The following ADPRHL1 variants were observed in gnomAD, a reference collection of about 807,000 sequenced individuals.
ADPRHL1 encodes the protein ADP-ribosylhydrolase like 1, also known as inactive ADP-ribosyltransferase ARH2.
Under a neutral mutation model 44.1 loss-of-function variants are expected in ADPRHL1, and 43 were observed. The ratio of observed to expected loss-of-function variants is 0.98; its 90% CI spans 0.76 to 1.26. ADPRHL1 has a LOEUF of 1.26. Ranked by LOEUF, ADPRHL1 falls within the 50% of genes most tolerant of loss-of-function variation. The pLI is 0.00. For missense variants in ADPRHL1, 2,022 were observed against 2,496.9 expected (o/e 0.81, Z 4.05); for synonymous variants, 878 against 1,017.4 (o/e 0.86, Z 2.61).
chr13:113,405,395 G>A lies in ADPRHL1; in HGVS notation c.3887C>T (p.Ala1296Val). ...AAACCTGACGCCCTCCCTGCCCTTT[G>A]CCTGTGGGTTCTCAGGAGGCGACGG... ...LPPSPPENPQAKGREGVRFPR... is the reference protein window; with the variant it reads ...LPPSPPENPQVKGREGVRFPR... The change falls in exon 8 of 8, where the codon GCA becomes GTA. Residue 1296 changes from alanine (A) to valine (V), a missense_variant. By Grantham distance (64) the Ala-to-Val change is moderately conservative (BLOSUM62 0). This residue lies in a region of ADPRHL1 where 1,221 missense variants were observed against 1,517.8 expected (regional missense o/e 0.80). Coordinates refer to ENST00000612156, the MANE Select transcript of ADPRHL1 (RefSeq NM_001394807.1). 1 of 1,231,974 alleles carries A rather than the reference G, an allele frequency of 8.1e-7. No homozygotes were observed. The highest frequency in any genetic ancestry group is 3.2e-5 in the East Asian group (1 of 31,710). The allele number at this position is 1,231,974 out of a possible 1,614,324, so 76.3% of individuals were successfully genotyped here.
intron 7 of ADPRHL1, among the ~76,000 whole-genome samples, chr13:113,415,519 G>T (rs901676660): frequency 6.6e-6 from 1 of 152,138 alleles, no homozygotes; most frequent in African/African-American, 2.4e-5. Flanking sequence ...TTGGGAGGCC[G>T]AGGCAGGCGG....
chr13:113,419,023 T>TC (rs2043901245), intron 7 of ADPRHL1, among the ~76,000 whole-genome samples: 1 of 147,800 alleles, frequency 6.8e-6, no homozygotes, highest in Non-Finnish European at 1.5e-5. Context: ...TTCCTTCCTT[T>TC]CTTCCCCTTC....
At position 113,407,911 on chromosome 13, in the gene ADPRHL1, C is replaced by T; in HGVS notation, c.1371G>A (p.Lys457=). The T allele has an allele frequency of 3.2e-6, 4 of 1,231,960 alleles. No individual in the cohort carries two copies. Among genetic ancestry groups the T allele is most frequent in the Non-Finnish European group, 1.0e-6 (1 of 987,960 alleles). 76.3% of individuals were successfully genotyped at this position (1,231,960 alleles called of 1,614,324 possible). ...GGCCCCCACCCGGCCCCTGCTTGTC[C>T]TTGGAGATCAGCCGGCCCACCTCCC... is the stretch of plus-strand genomic sequence containing the variant. ...RTREVGRLIS[K]DKQGPGGGLV... is the part of the protein sequence containing the mutation. Residue 457 remains lysine (K), a synonymous_variant, in exon 8 of 8, where the codon AAG becomes AAA. Transcript: ENST00000612156.
rs534657963 is a variant in ADPRHL1 at position 113,413,100 on chromosome 13, C to T, written c.1062-4880G>A. 2.4e-5 allele frequency among the ~76,000 whole-genome samples: 3 copies of T among 127,560 alleles called. No homozygotes were observed. In the South Asian group the frequency reaches 7.4e-4, roughly 31 times the overall value. The allele number at this position is 127,560 out of a possible 152,430, so 83.7% of individuals were successfully genotyped here. A position where few individuals can be genotyped will look rare whatever the true frequency, so the allele number is the denominator to read the frequency against. Reference sequence around the variant, plus strand: ...CCACCGCCAACAGCGCCCCGCAGAGCTCGGTTCACCCACCGCCAACAGCTC... The same window carrying T: ...CCACCGCCAACAGCGCCCCGCAGAGTTCGGTTCACCCACCGCCAACAGCTC... On this transcript the variant is annotated intron_variant, in intron 7 of 7. Transcript: ENST00000612156.
intron 1 of ADPRHL1, 82 bp from the exon 2 acceptor site, chr13:113,444,671 G>A: frequency 2.0e-6 from 3 of 1,499,138 alleles, no homozygotes; most frequent in Non-Finnish European, 2.7e-6. Context: ...AGGCACCATA[G>A]TCTGGGGAAG....
intron 4 of ADPRHL1, among the ~76,000 whole-genome samples, chr13:113,428,132 T>C (rs1339038025): frequency 1.3e-5 from 2 of 151,944 alleles, no homozygotes; most frequent in Non-Finnish European, 2.9e-5. Flanking sequence ...TAATCCCAGC[T>C]GCTTCGGCGG....
At chr13:113,422,687 G>A (rs1032084382) in intron 7 of ADPRHL1, 139 bp downstream of exon 7, 2 of 1,040,610 alleles carry the variant, frequency 1.9e-6, no homozygotes, top group East Asian at 5.0e-5. Flanking sequence ...ATTGGAAACA[G>A]AGAGTTAGAT....
In ADPRHL1 at chr13:113,403,480, C is replaced by A; in HGVS notation, c.5802G>T (p.Leu1934=). The A allele has an allele frequency of 8.1e-7, 1 of 1,232,106 alleles. No homozygotes were observed. Among genetic ancestry groups the A allele is most frequent in the Non-Finnish European group, 1.0e-6 (1 of 988,034 alleles). 76.3% of individuals were successfully genotyped at this position (1,232,106 alleles called of 1,614,324 possible). A position where few individuals can be genotyped will look rare whatever the true frequency, so the allele number is the denominator to read the frequency against. The change falls in exon 8 of 8, where the codon CTG becomes CTT. Residue 1934 remains leucine (L), a synonymous_variant. Transcript: ENST00000612156. ...GGAAGCTCTGGGCTTTGTACTTGGC[C>A]AGGTGCCTGGACCTCCCGCGACGCT... ...EPERRGRSRH[L]AKYKAQSFRD... is the part of the protein sequence containing the mutation.
chr13:113,446,570 T>C (rs1305580804), intron 1 of ADPRHL1, among the ~76,000 whole-genome samples: 1 of 152,074 alleles, frequency 6.6e-6, no homozygotes, highest in Non-Finnish European at 1.5e-5. Context: ...CGGTGTTGTC[T>C]ACATGCACAG....
In ADPRHL1 at chr13:113,425,093, C is replaced by CT. The variant is rs530445616; in HGVS notation, c.732dup (p.Ala245SerfsTer8). 8.7e-6 allele frequency: 14 copies of CT among 1,613,522 alleles called. No homozygotes were observed. The highest frequency in any genetic ancestry group is 1.2e-5 in the Non-Finnish European group (14 of 1,179,944). The stretch of plus-strand genomic sequence containing the variant: ...GCATCATAATTGTCGGGGAAGATGG[C>CT]TTTATTTTCTGAGTCTTTACTGATT... On this transcript the variant is annotated frameshift_variant, in exon 5 of 8. Coordinates refer to ENST00000612156, the MANE Select transcript of ADPRHL1 (RefSeq NM_001394807.1). LOFTEE classifies it high-confidence loss of function.
At position 113,404,607 on chromosome 13, in the gene ADPRHL1, G is replaced by C; in HGVS notation, c.4675C>G (p.Gln1559Glu). 7.6e-7 allele frequency: 1 copy of C among 1,307,616 alleles called. No homozygotes were observed. Among genetic ancestry groups the C allele is most frequent in the Non-Finnish European group, 9.7e-7 (1 of 1,036,112 alleles). The allele number at this position is 1,307,616 out of a possible 1,614,324, so 81.0% of individuals were successfully genotyped here. ...QGHAQEQAQW[Q>E]TQIEAQGQAQ... is the part of the protein sequence containing the mutation. ...TGCCCCTGGGCCTCTATCTGGGTCT[G>C]CCACTGGGCCTGTTCTTGAGCGTGT... is the stretch of plus-strand genomic sequence containing the variant. Residue 1559 changes from glutamine (Q) to glutamate (E), a missense_variant, in exon 8 of 8, where the codon CAG becomes GAG. This residue lies in a region of ADPRHL1 where 32 missense variants were observed against 72.6 expected (regional missense o/e 0.44). Transcript: ENST00000612156.
At chr13:113,425,682 TTC>T (rs1491245536) in intron 4 of ADPRHL1, among the ~76,000 whole-genome samples, 1 of 119,484 alleles carries the variant, frequency 8.4e-6, no homozygotes, top group Admixed American at 9.2e-5. Context: ...TCTTTTTTCT[TTC>T]TTTTTTTTTT....
rs373215048 is a variant in ADPRHL1 at position 113,448,852 on chromosome 13, G to A, written c.215-4263C>T. ...CGTTTAATCCTCTGTGACCTTGTGA[G>A]GGAGGAAGGCCCTGGGAGGGAAGCC... On this transcript the variant is annotated intron_variant, in intron 1 of 7. Transcript: ENST00000612156. 201 of 722,356 alleles carry A rather than the reference G, an allele frequency of 2.8e-4. No individual in the cohort carries two copies. In the African/African-American group the frequency reaches 3.6e-3, roughly 13 times the overall value. 44.7% of individuals were successfully genotyped at this position (722,356 alleles called of 1,614,324 possible). A position where few individuals can be genotyped will look rare whatever the true frequency, so the allele number is the denominator to read the frequency against.
intron 7 of ADPRHL1, among the ~76,000 whole-genome samples, chr13:113,418,252 A>C (rs971538610): frequency 3.6e-4 from 55 of 152,304 alleles, no homozygotes; most frequent in African/African-American, 1.3e-3. Context: ...GGAGCATGGA[A>C]TAGACAGGGG....
At chr13:113,442,864 C>T in intron 2 of ADPRHL1, among the ~76,000 whole-genome samples, 1 of 152,188 alleles carries the variant, frequency 6.6e-6, no homozygotes, top group East Asian at 1.9e-4. Flanking sequence ...CGCTGGTCCT[C>T]CCTTCATCTT....
rs2043839820 is a variant in ADPRHL1, at chr13:113,409,906, AAAGG to A, written c.1062-1690_1062-1687del. 1 of 975,280 alleles carries A rather than the reference AAAGG, an allele frequency of 1.0e-6. No individual in the cohort carries two copies. Among genetic ancestry groups the A allele is most frequent in the Non-Finnish European group, 1.2e-6 (1 of 821,144 alleles). 60.4% of individuals were successfully genotyped at this position (975,280 alleles called of 1,614,324 possible). On this transcript the variant is annotated intron_variant, in intron 7 of 7. Coordinates refer to ENST00000612156, the MANE Select transcript of ADPRHL1 (RefSeq NM_001394807.1). The surrounding 1 kb of genome is among the most constrained non-coding windows in gnomAD (Gnocchi z 4.2). The stretch of plus-strand genomic sequence containing the variant: ...TCCGTCTCAAAAAAAAAAAAAAAAA[AAAGG>A]AAGAAGCTGAGCAGGCTGAAAAGAG...
chr13:113,423,490 T>C (rs539960516), intron 6 of ADPRHL1, among the ~76,000 whole-genome samples: 169 of 152,302 alleles, frequency 1.1e-3, no homozygotes, highest in African/African-American at 3.9e-3. Flanking sequence ...GTGCAGAGGC[T>C]TCCTGACCAA....
chr13:113,412,225 T>C (rs1302695646), intron 7 of ADPRHL1, among the ~76,000 whole-genome samples: 2 of 152,222 alleles, frequency 1.3e-5, no homozygotes, highest in Non-Finnish European at 2.9e-5. Flanking sequence ...TCGCCCAGGC[T>C]GGACTGCAGT....
In ADPRHL1 at chr13:113,408,057, C is replaced by T. The variant is rs1363674429; in HGVS notation, c.1225G>A (p.Gly409Arg). The change falls in exon 8 of 8, where the codon GGG becomes AGG. Residue 409 changes from glycine to arginine, a missense_variant. By Grantham distance (125) the Gly-to-Arg change is moderately radical (BLOSUM62 -2). Coordinates refer to ENST00000612156, the MANE Select transcript of ADPRHL1 (RefSeq NM_001394807.1). ...RADRPPGTEA[G>R]GSRPSHQPQT... ...GGCTGGTGGCTGGGCCTGCTCCCCC[C>T]GGCCTCTGTCCCCGGGGGCCGGTCT... 3.5e-5 allele frequency: 43 copies of T among 1,232,202 alleles called. No homozygotes were observed. Among genetic ancestry groups the T allele is most frequent in the East Asian group, 2.8e-4 (9 of 31,722 alleles). 76.3% of individuals were successfully genotyped at this position (1,232,202 alleles called of 1,614,324 possible).
Sources: gnomAD v4.1 joint callset for allele counts (sites outside exome capture counted in the v4.1 genomes callset) on GRCh38, gnomAD v4.1.1 for gene constraint, gnomAD v4.1.1 regional missense constraint, Gnocchi (gnomAD v3.1) non-coding constraint, MANE v1.5 for transcripts, NCBI Gene and HGNC (gene_info 2026-07-23, HGNC 2026-07-21) for gene names.